Variants in NRXN3 observed in about 807,000 individuals in gnomAD.
NRXN3 encodes the protein neurexin III.
Under a neutral mutation model 137.6 loss-of-function variants are expected in NRXN3, and 32 were observed. That is an observed-to-expected ratio of 0.23 (90% CI 0.18 to 0.31). The LOEUF (loss-of-function observed/expected upper bound fraction) is 0.31. Among genes scored for constraint, NRXN3 ranks in the 10% least tolerant of loss-of-function variants. NRXN3 has a pLI of 1.00. For synonymous variants in NRXN3, 798 were observed against 784.5 expected (o/e 1.02, Z -0.29); for missense variants, 1,574 against 2,062.5 (o/e 0.76, Z 4.59).
chr14:78,665,824 T>C (rs948739610), intron 6 of NRXN3, among the ~76,000 whole-genome samples: 3 of 152,118 alleles, frequency 2.0e-5, no homozygotes, highest in African/African-American at 7.2e-5. Flanking sequence ...GAAAGAAATA[T>C]CTAGGGCTGG....
Position 79,645,937 on chromosome 14 carries a change from A to G in NRXN3, c.3445-17841A>G, listed in dbSNP as rs1308230696. On this transcript the variant is annotated intron_variant, in intron 16 of 20. Coordinates refer to ENST00000335750, the MANE Select transcript of NRXN3 (RefSeq NM_001330195.2). The stretch of plus-strand genomic sequence containing the variant: ...TTGCTTTTCTTTTCCTTGTCTTTTC[A>G]ATCCTACTGGGACCTCCTCCCACCA... Among the ~76,000 whole-genome samples, 3 of 135,874 alleles carry G rather than the reference A, an allele frequency of 2.2e-5. 1 individual carries two copies. Among genetic ancestry groups the G allele is most frequent in the Non-Finnish European group, 5.1e-5 (3 of 58,382 alleles). The allele number at this position is 135,874 out of a possible 152,430, so 89.1% of individuals were successfully genotyped here. A position where few individuals can be genotyped will look rare whatever the true frequency, so the allele number is the denominator to read the frequency against.
intron 15 of NRXN3, among the ~76,000 whole-genome samples, chr14:79,040,694 G>A (rs566215906): frequency 2.0e-5 from 3 of 152,248 alleles, no homozygotes; most frequent in East Asian, 3.9e-4. Flanking sequence ...TCCCGGAAGA[G>A]GGTTGCCATT....
intron 4 of NRXN3, among the ~76,000 whole-genome samples, chr14:78,484,009 CACACACACACACACACACAG>C (rs1452359930): frequency 9.5e-5 from 14 of 147,422 alleles, no homozygotes; most frequent in East Asian, 2.2e-4. Context: ...CACACACACA[CACACACACACACACACACAG>C]AGAGAGAGAG....
intron 16 of NRXN3, among the ~76,000 whole-genome samples, chr14:79,571,443 A>C (rs552375232): frequency 1.3e-5 from 2 of 152,308 alleles, no homozygotes; most frequent in African/African-American, 4.8e-5. Flanking sequence ...CCTTGCTAAC[A>C]TATGACTAAA....
chr14:79,374,765 A>G (rs576762411), intron 15 of NRXN3, among the ~76,000 whole-genome samples: 1 of 152,260 alleles, frequency 6.6e-6, no homozygotes, highest in African/African-American at 2.4e-5. Context: ...CTTTTCATGT[A>G]CTGATTTATA....
rs140906774 is a variant in NRXN3, at chr14:78,620,500, G to A, written c.758-24620G>A. Among the ~76,000 whole-genome samples the A allele has an allele frequency of 1.9e-3, 289 of 152,236 alleles. 1 individual carries two copies. Among genetic ancestry groups the A allele is most frequent in the Non-Finnish European group, 2.8e-3 (190 of 68,014 alleles). On this transcript the variant is annotated intron_variant, in intron 4 of 20. Transcript: ENST00000335750. Reference sequence around the variant, plus strand: ...AGGTACATGCCCAGTTGGTGGCTACGACCACATAGAACAGCAGATATGGCC... The same window carrying A: ...AGGTACATGCCCAGTTGGTGGCTACAACCACATAGAACAGCAGATATGGCC...
At position 78,808,335 on chromosome 14, in the gene NRXN3, T is replaced by A. The variant is rs571767331; in HGVS notation, c.2249-1983T>A. Among the ~76,000 whole-genome samples, 6 of 152,338 alleles carry A rather than the reference T, an allele frequency of 3.9e-5. No individual in the cohort carries two copies. The East Asian group carries it at 1.2e-3, about 29-fold the overall frequency. ...CTCACTAGGCCAGCTTCTTGTCTAA[T>A]AATAAAATCCTCAGCTATGCAGAAG... On this transcript the variant is annotated intron_variant, in intron 9 of 20. Coordinates refer to ENST00000335750, the MANE Select transcript of NRXN3 (RefSeq NM_001330195.2).
chr14:79,249,747 T>C (rs1488319010), intron 15 of NRXN3, among the ~76,000 whole-genome samples: 6 of 152,194 alleles, frequency 3.9e-5, no homozygotes, highest in Non-Finnish European at 5.9e-5. Flanking sequence ...TATGATGTGA[T>C]CTATACAGCT....
chr14:78,636,356 T>C (rs2097566786), intron 4 of NRXN3, among the ~76,000 whole-genome samples: 1 of 152,130 alleles, frequency 6.6e-6, no homozygotes, highest in African/African-American at 2.4e-5. Context: ...TGCATGGGAC[T>C]GCCTAAAGGA....
At chr14:78,207,173 T>C (rs1040724153) in intron 1 of NRXN3, among the ~76,000 whole-genome samples, 1 of 152,146 alleles carries the variant, frequency 6.6e-6, no homozygotes, top group Non-Finnish European at 1.5e-5. Flanking sequence ...CTCCCCACAT[T>C]GGACTTTCTA....
chr14:79,244,607 C>G (rs142504712), intron 15 of NRXN3, among the ~76,000 whole-genome samples: 6 of 152,256 alleles, frequency 3.9e-5, no homozygotes, highest in Admixed American at 3.9e-4. Flanking sequence ...GCAAGTTGGA[C>G]TAATTCTTAG....
intron 15 of NRXN3, among the ~76,000 whole-genome samples, chr14:79,018,975 T>C (rs989359462): frequency 1.3e-5 from 2 of 152,214 alleles, no homozygotes; most frequent in Non-Finnish European, 2.9e-5. Context: ...CAAGACTACT[T>C]GAATTTTTAT....
At chr14:79,569,349 A>C (rs1567533331) in intron 16 of NRXN3, among the ~76,000 whole-genome samples, 1 of 152,142 alleles carries the variant, frequency 6.6e-6, no homozygotes, top group East Asian at 1.9e-4. Flanking sequence ...GCACAAACGG[A>C]GAAAACTCTT....
At chr14:79,125,062 G>T (rs765749857) in intron 15 of NRXN3, among the ~76,000 whole-genome samples, 5 of 152,054 alleles carry the variant, frequency 3.3e-5, no homozygotes, top group African/African-American at 1.2e-4. Context: ...GTACATAGAA[G>T]GCTTTACATT....
chr14:79,321,908 T>C (rs185091476), intron 15 of NRXN3, among the ~76,000 whole-genome samples: 2 of 150,514 alleles, frequency 1.3e-5, no homozygotes, highest in Non-Finnish European at 3.0e-5. Context: ...CATATATATA[T>C]GTAGTTGTAG....
chr14:78,661,771 A>G (rs1602058526), intron 6 of NRXN3, among the ~76,000 whole-genome samples: 1 of 152,242 alleles, frequency 6.6e-6, no homozygotes, highest in Non-Finnish European at 1.5e-5. Flanking sequence ...TCTGTTACTT[A>G]TTAAATGGGA....
chr14:79,450,282 G>T (rs1263535487), intron 15 of NRXN3, among the ~76,000 whole-genome samples: 1 of 152,118 alleles, frequency 6.6e-6, no homozygotes, highest in Non-Finnish European at 1.5e-5. Flanking sequence ...GAGGCCTCAG[G>T]TTGGGGGTTG....
intron 15 of NRXN3, chr14:79,074,552 C>T (rs2045658137): frequency 6.6e-6 from 1 of 152,158 alleles, no homozygotes; most frequent in South Asian, 2.1e-4. Flanking sequence ...ACTTACCAGG[C>T]CTGTTCAGCT....
intron 4 of NRXN3, among the ~76,000 whole-genome samples, chr14:78,601,910 T>C (rs1196033948): frequency 1.3e-5 from 2 of 152,222 alleles, no homozygotes; most frequent in East Asian, 1.9e-4. Flanking sequence ...TTCTCCCTCA[T>C]TGAGTGTCTC....
Sources: allele counts gnomAD v4.1 joint callset (sites outside exome capture counted in the v4.1 genomes callset), GRCh38; gene constraint gnomAD v4.1.1; transcripts MANE v1.5; gene names NCBI Gene and HGNC (gene_info 2026-07-23, HGNC 2026-07-21).